The following TENM3 variants were observed in gnomAD, a reference collection of about 807,000 sequenced individuals.
TENM3 encodes the protein teneurin transmembrane protein 3.
TENM3 carries 63 observed loss-of-function variants against 255.1 expected under a neutral mutation model. The observed-to-expected ratio is 0.25, with a 90% CI of 0.20 to 0.30. The LOEUF (loss-of-function observed/expected upper bound fraction) is 0.30, where lower values mean the gene tolerates loss of function less well. Among genes scored for constraint, TENM3 ranks in the 10% least tolerant of loss-of-function variants. The pLI is 1.00. For synonymous variants in TENM3, 1,306 were observed against 1,322.3 expected, an observed-to-expected ratio of 0.99 and a Z score of 0.27; for missense variants, 2,929 against 3,461.1, an observed-to-expected ratio of 0.85 and a Z score of 3.86.
chr4:182,548,639 A>G (rs1448554293), intron 3 of TENM3: 1 of 152,156 alleles, frequency 6.6e-6, no homozygotes, highest in African/African-American at 2.4e-5. Context: ...AATACTTACA[A>G]CAGACATCAA....
the TENM3 span, among the ~76,000 whole-genome samples, chr4:181,895,484 C>T: frequency 6.6e-6 from 1 of 151,524 alleles, no homozygotes; most frequent in Non-Finnish European, 1.5e-5. Flanking sequence ...CCCAGTCCCC[C>T]AATTTTTCCA....
At chr4:181,746,659 G>T in the TENM3 span, among the ~76,000 whole-genome samples, 2 of 151,450 alleles carry the variant, frequency 1.3e-5, no homozygotes, top group African/African-American at 4.9e-5. Context: ...TGCTTACTTA[G>T]GTACCACTTT....
At chr4:182,634,948 C>T (rs1361506877) in intron 5 of TENM3, among the ~76,000 whole-genome samples, 1 of 152,146 alleles carries the variant, frequency 6.6e-6, no homozygotes, top group Non-Finnish European at 1.5e-5. Context: ...ATTATTGACG[C>T]ATTGCTACAT....
chr4:182,560,435 C>T (rs890285584), intron 3 of TENM3, among the ~76,000 whole-genome samples: 1 of 152,164 alleles, frequency 6.6e-6, no homozygotes. Flanking sequence ...TCAGTGCCCC[C>T]TCTACTGCTT....
chr4:181,628,118 G>C, the TENM3 span, among the ~76,000 whole-genome samples: 2 of 152,100 alleles, frequency 1.3e-5, no homozygotes, highest in Admixed American at 1.3e-4. Flanking sequence ...TGTGTCTTTT[G>C]GCTGCATAAA....
intron 4 of TENM3, among the ~76,000 whole-genome samples, chr4:182,619,286 C>T (rs1220641626): frequency 6.6e-6 from 1 of 152,000 alleles, no homozygotes; most frequent in Non-Finnish European, 1.5e-5. Context: ...AAAAAATTAG[C>T]TGGGCATGGT....
chr4:182,397,154 T>C (rs12511351), intron 3 of TENM3, among the ~76,000 whole-genome samples: 149,962 of 151,254 alleles, frequency 0.99, 74,350 homozygotes, highest in Middle Eastern at 1. Context: ...TCTATAAGGA[T>C]CTGGACAGGG....
chr4:182,590,559 AAAG>A (rs1235881292), intron 3 of TENM3, among the ~76,000 whole-genome samples: 7 of 149,516 alleles, frequency 4.7e-5, no homozygotes, highest in East Asian at 4.1e-4. Flanking sequence ...AAAAAAAAAA[AAAG>A]AAAAAGAAAA....
At chr4:181,635,814 A>T in the TENM3 span, among the ~76,000 whole-genome samples, 2 of 152,116 alleles carry the variant, frequency 1.3e-5, no homozygotes, top group African/African-American at 2.4e-5. Flanking sequence ...GTAATAGCAT[A>T]GGCTTCTGGA....
At chr4:181,475,169 G>C in the TENM3 span, among the ~76,000 whole-genome samples, 1 of 152,072 alleles carries the variant, frequency 6.6e-6, no homozygotes, top group African/African-American at 2.4e-5. Flanking sequence ...TCTAATATAT[G>C]TCAATGACAG....
At chr4:181,728,348 ACAATGGC>A in the TENM3 span, among the ~76,000 whole-genome samples, 3 of 152,168 alleles carry the variant, frequency 2.0e-5, no homozygotes, top group African/African-American at 7.2e-5. Flanking sequence ...AAAACAGTAA[ACAATGGC>A]TACTCCGCAG....
At chr4:182,162,201 G>A (rs529000661) in intron 1 of TENM3, among the ~76,000 whole-genome samples, 1 of 152,002 alleles carries the variant, frequency 6.6e-6, no homozygotes, top group Admixed American at 6.5e-5. Flanking sequence ...ATATTTTGCT[G>A]AAAGCAAATT....
At chr4:181,476,975 G>T in the TENM3 span, among the ~76,000 whole-genome samples, 1 of 152,148 alleles carries the variant, frequency 6.6e-6, no homozygotes, top group East Asian at 1.9e-4. Context: ...AGCTACAGAG[G>T]TTCCAGCATT....
At chr4:182,637,195 A>C (rs1489922558) in intron 5 of TENM3, among the ~76,000 whole-genome samples, 2 of 152,232 alleles carry the variant, frequency 1.3e-5, no homozygotes, top group Non-Finnish European at 2.9e-5. Flanking sequence ...GTTTCATGGA[A>C]ACTATATCAA....
At chr4:182,796,925 C>T (rs1261492278) in intron 27 of TENM3, among the ~76,000 whole-genome samples, 158 bp downstream of exon 27, 1 of 152,150 alleles carries the variant, frequency 6.6e-6, no homozygotes, top group Non-Finnish European at 1.5e-5. Context: ...CATTTGTGTT[C>T]AACAAACCAG....
chr4:182,787,198 C>G lies in TENM3; in HGVS notation c.5305-1895C>G, dbSNP rs562905715. On this transcript the variant is annotated intron_variant, in intron 24 of 27. Transcript: ENST00000511685. Reference sequence around the variant, plus strand: ...GGAAGCTCAGAAAGCCTCCAGCTGGCTGGTCAGAATCGAATAAAACTCACT... The same window carrying G: ...GGAAGCTCAGAAAGCCTCCAGCTGGGTGGTCAGAATCGAATAAAACTCACT... 1.1e-3 allele frequency among the ~76,000 whole-genome samples: 168 copies of G among 152,348 alleles called. 2 individuals carry two copies. Among genetic ancestry groups the G allele is most frequent in the African/African-American group, 3.8e-3 (160 of 41,570 alleles).
At chr4:181,701,592 A>G in the TENM3 span, among the ~76,000 whole-genome samples, 1 of 149,816 alleles carries the variant, frequency 6.7e-6, no homozygotes, top group Admixed American at 6.8e-5. Context: ...AGTTTCCCTA[A>G]TGTTAGGCCA....
chr4:182,632,887 A>C (rs1217662101), intron 5 of TENM3, among the ~76,000 whole-genome samples: 1 of 151,910 alleles, frequency 6.6e-6, no homozygotes, highest in Non-Finnish European at 1.5e-5. Context: ...TCTAGCTTTC[A>C]TGCCATACTT....
chr4:182,535,345 A>G (rs1050822270), intron 3 of TENM3, among the ~76,000 whole-genome samples: 1 of 152,192 alleles, frequency 6.6e-6, no homozygotes, highest in African/African-American at 2.4e-5. Flanking sequence ...AAAATGAACT[A>G]TTGTGATTAT....
Sources: allele counts gnomAD v4.1 joint callset (sites outside exome capture counted in the v4.1 genomes callset), GRCh38; gene constraint gnomAD v4.1.1; transcripts MANE v1.5; gene names NCBI Gene and HGNC (gene_info 2026-07-23, HGNC 2026-07-21).